The following FAT3 variants were observed in gnomAD, a reference collection of about 807,000 sequenced individuals.
FAT3 encodes protocadherin Fat 3.
FAT3 carries 95 observed loss-of-function variants against 310.2 expected under a neutral mutation model. The observed-to-expected ratio is 0.31, with a 90% CI of 0.26 to 0.36. FAT3 has a LOEUF of 0.36. FAT3 is among the 10% of genes least tolerant of loss of function. FAT3 has a pLI of 1.00. For synonymous variants in FAT3, 2,314 were observed against 2,192.9 expected, an observed-to-expected ratio of 1.06 and a Z score of -1.54; for missense variants, 5,408 against 5,715.6, an observed-to-expected ratio of 0.95 and a Z score of 1.74.
In FAT3 at chr11:92,783,502, TAAAAAAAAAA is replaced by T. The variant is rs11349996; in HGVS notation, c.4336-6433_4336-6424del. Among the ~76,000 whole-genome samples, 4 of 140,298 alleles carry T rather than the reference TAAAAAAAAAA, an allele frequency of 2.9e-5. No individual in the cohort carries two copies. In the East Asian group the frequency reaches 8.3e-4, roughly 29 times the overall value. The allele number at this position is 140,298 out of a possible 152,430, so 92.0% of individuals were successfully genotyped here. ...AAAATGTAAGACTTTCTTTTTTAAT[TAAAAAAAAAA>T]AAAAAAAGACACAGCAAGGTGTGGC... is the stretch of plus-strand genomic sequence containing the variant. On this transcript the variant is annotated intron_variant, in intron 7 of 27. Transcript: ENST00000525166.
chr11:92,614,447 T>C (rs2135637785), intron 3 of FAT3, among the ~76,000 whole-genome samples: 1 of 152,322 alleles, frequency 6.6e-6, no homozygotes. Context: ...CATCCTACTA[T>C]GTTCAATGTG....
chr11:92,250,254 A>C (rs1865085071), intron 1 of FAT3, among the ~76,000 whole-genome samples: 1 of 152,136 alleles, frequency 6.6e-6, no homozygotes, highest in African/African-American at 2.4e-5. Context: ...CAGTTATATG[A>C]CATTTTAAAT....
At chr11:92,243,766 A>G (rs115000744) in intron 1 of FAT3, among the ~76,000 whole-genome samples, 3 of 152,172 alleles carry the variant, frequency 2.0e-5, no homozygotes, top group African/African-American at 7.2e-5. Context: ...TTTGAACCAT[A>G]AGCCAAGGAC....
chr11:92,402,110 C>T (rs1283219117), intron 2 of FAT3, among the ~76,000 whole-genome samples: 1 of 151,786 alleles, frequency 6.6e-6, no homozygotes, highest in Non-Finnish European at 1.5e-5. Context: ...ACATGCAAGC[C>T]TATATAGGTA....
chr11:92,387,496 A>G (rs970373357), intron 2 of FAT3, among the ~76,000 whole-genome samples: 1 of 152,118 alleles, frequency 6.6e-6, no homozygotes, highest in Non-Finnish European at 1.5e-5. Flanking sequence ...AAGTAAGGGT[A>G]GGGGAGAAGG....
intron 1 of FAT3, among the ~76,000 whole-genome samples, chr11:92,271,273 C>T (rs1056224005): frequency 1.3e-5 from 2 of 152,086 alleles, no homozygotes; most frequent in Non-Finnish European, 2.9e-5. Context: ...TCCACTGAAT[C>T]CCTAGTCTCT....
intron 3 of FAT3, among the ~76,000 whole-genome samples, chr11:92,572,357 A>G (rs909032005): frequency 1.3e-5 from 2 of 152,198 alleles, no homozygotes; most frequent in African/African-American, 4.8e-5. Context: ...GCCAGTCAGG[A>G]TGAAATGATA....
chr11:92,424,940 CAG>C (rs1334815135), intron 2 of FAT3, among the ~76,000 whole-genome samples: 2 of 152,056 alleles, frequency 1.3e-5, no homozygotes, highest in African/African-American at 4.8e-5. Flanking sequence ...TTTTAAGTAA[CAG>C]AGATTGCATT....
At chr11:92,491,084 A>C (rs75148888) in intron 2 of FAT3, among the ~76,000 whole-genome samples, 5,786 of 152,102 alleles carry the variant, frequency 0.038, 367 homozygotes, top group African/African-American at 0.13. Flanking sequence ...TCAAATCTTA[A>C]CGTTTCCCTA....
At chr11:92,319,252 G>A (rs549911859) in intron 1 of FAT3, among the ~76,000 whole-genome samples, 13 of 152,206 alleles carry the variant, frequency 8.5e-5, no homozygotes, top group East Asian at 3.9e-4. Flanking sequence ...GTTTTCTTTC[G>A]TTGTTCAAGT....
chr11:92,645,716 A>G (rs1359535542), intron 3 of FAT3, among the ~76,000 whole-genome samples: 2 of 152,164 alleles, frequency 1.3e-5, no homozygotes, highest in African/African-American at 4.8e-5. Flanking sequence ...ATTAGTCACT[A>G]CTTTCTATAG....
chr11:92,548,352 A>G (rs935463901), intron 3 of FAT3, among the ~76,000 whole-genome samples: 5 of 152,166 alleles, frequency 3.3e-5, no homozygotes, highest in Non-Finnish European at 5.9e-5. Flanking sequence ...TCCCTAGGGA[A>G]GGTCTATTCC....
intron 3 of FAT3, among the ~76,000 whole-genome samples, chr11:92,621,610 G>C (rs1338680823): frequency 6.6e-6 from 1 of 152,152 alleles, no homozygotes; most frequent in Admixed American, 6.5e-5. Flanking sequence ...AGCACATGCA[G>C]CTCATGGCCA....
At chr11:92,650,633 G>A (rs893486246) in intron 3 of FAT3, among the ~76,000 whole-genome samples, 1 of 152,102 alleles carries the variant, frequency 6.6e-6, no homozygotes, top group African/African-American at 2.4e-5. Flanking sequence ...CCAATTTCAA[G>A]CTACCAAAGT....
chr11:92,558,765 C>T (rs1005384373), intron 3 of FAT3, among the ~76,000 whole-genome samples: 2 of 152,142 alleles, frequency 1.3e-5, no homozygotes, highest in African/African-American at 4.8e-5. Context: ...CTGTACTCCT[C>T]GGCGACAAAG....
intron 2 of FAT3, among the ~76,000 whole-genome samples, chr11:92,485,003 A>G (rs942930402): frequency 7.9e-5 from 12 of 152,362 alleles, no homozygotes; most frequent in East Asian, 3.9e-4. Context: ...TTTACTCAGT[A>G]CACACTTTTT....
At chr11:92,861,060 A>G (rs1223035760) in intron 21 of FAT3, among the ~76,000 whole-genome samples, 1 of 152,206 alleles carries the variant, frequency 6.6e-6, no homozygotes, top group East Asian at 1.9e-4. Context: ...AAACTCAAAA[A>G]CCTAAGTCCT....
intron 4 of FAT3, among the ~76,000 whole-genome samples, chr11:92,742,582 C>T (rs574964821): frequency 3.3e-5 from 5 of 152,190 alleles, no homozygotes; most frequent in African/African-American, 1.2e-4. Flanking sequence ...GCTGTGCCTT[C>T]GTGGATGGAT....
chr11:92,797,853 T>G lies in FAT3; in HGVS notation c.4840T>G (p.Phe1614Val). The change falls in exon 10 of 28, where the codon TTT (phenylalanine) becomes GTT (valine). Residue 1614 changes from phenylalanine to valine, a missense_variant. This residue lies in a region of FAT3 where 4,588 missense variants were observed against 4,809.8 expected (regional missense o/e 0.95). Coordinates refer to ENST00000525166, the MANE Select transcript of FAT3 (RefSeq NM_001367949.2). ...TIEAGNTGNMFKIEPVLGIIT... is the reference protein window; with the variant it reads ...TIEAGNTGNMVKIEPVLGIIT... ...TATTTTAGGGAACACTGGGAACATGTTTAAGATCGAACCGGTCCTAGGCAT... is the reference window on the plus strand; with the variant it reads ...TATTTTAGGGAACACTGGGAACATGGTTAAGATCGAACCGGTCCTAGGCAT... 1 of 1,611,638 alleles carries G rather than the reference T, an allele frequency of 6.2e-7. No homozygotes were observed. Among genetic ancestry groups the G allele is most frequent in the Non-Finnish European group, 8.5e-7 (1 of 1,178,012 alleles).
Sources: gnomAD v4.1 joint callset for allele counts (sites outside exome capture counted in the v4.1 genomes callset) on GRCh38, gnomAD v4.1.1 for gene constraint, gnomAD v4.1.1 regional missense constraint, MANE v1.5 for transcripts, NCBI Gene and HGNC (gene_info 2026-07-23, HGNC 2026-07-21) for gene names.